DNAH2: variants seen among roughly 807,000 people sequenced by gnomAD.
The protein encoded by DNAH2 is dynein axonemal heavy chain 2, also known as axonemal beta dynein heavy chain 2.
DNAH2 carries 323 observed loss-of-function variants against 523.5 expected under a neutral mutation model. The ratio of observed to expected loss-of-function variants is 0.62; its 90% CI spans 0.56 to 0.68. The LOEUF (loss-of-function observed/expected upper bound fraction) is 0.68. Ranked by LOEUF, DNAH2 falls within the 30% of genes least tolerant of loss-of-function variation. The pLI, the probability that DNAH2 is intolerant of heterozygous loss-of-function variation, is 0.00. For missense variants in DNAH2, 4,907 were observed against 5,701.5 expected (o/e 0.86, Z 4.49); for synonymous variants, 2,093 against 2,177.4 (o/e 0.96, Z 1.08).
Position 7,780,911 on chromosome 17 carries a change from G to C in DNAH2, c.6003+129G>C. 4.4e-6 allele frequency: 7 copies of C among 1,579,526 alleles called. No homozygotes were observed. Among genetic ancestry groups the C allele is most frequent in the Non-Finnish European group, 6.0e-6 (7 of 1,159,278 alleles). On this transcript the variant is annotated intron_variant, in intron 38 of 85. Transcript: ENST00000572933. The surrounding 1 kb of genome is among the most constrained non-coding windows in gnomAD (Gnocchi z 4.4). ...CACCTTCCCACCTCGTCCCATCCCC[G>C]TGTTGCCCGCTGCTTTGCTAATGGC... is the stretch of plus-strand genomic sequence containing the variant.
intron 32 of DNAH2, 75 bp downstream of exon 32, chr17:7,776,964 G>A (rs1030536776): frequency 4.6e-5 from 58 of 1,270,282 alleles, no homozygotes; most frequent in Admixed American, 2.4e-4. Context: ...GAGCCCACTC[G>A]CTTGAGCCCA....
intron 39 of DNAH2, among the ~76,000 whole-genome samples, chr17:7,785,409 A>G (rs2076708820): frequency 6.6e-6 from 1 of 152,154 alleles, no homozygotes; most frequent in South Asian, 2.1e-4. Flanking sequence ...GGCTGAGAAT[A>G]TTTTTTAACT....
At chr17:7,741,236 CTCTTTCTTTCTTTCTT>C (rs71387996) in intron 11 of DNAH2, among the ~76,000 whole-genome samples, 36 of 85,660 alleles carry the variant, frequency 4.2e-4, no homozygotes, top group East Asian at 2.6e-3. Context: ...TTTTCTCTCT[CTCTTTCTTTCTTTCTT>C]TCTTTCTTTC....
rs774059490 is a variant in DNAH2 at position 7,793,447 on chromosome 17, T to TTC, written c.7569+243_7569+244insCT. Reference sequence around the variant, plus strand: ...GCCTGCTTGCTTTTTCTTTCTTTCTTTTTCTTTCTTTCTTTCTTTCTTTCT... The same window carrying TTC: ...GCCTGCTTGCTTTTTCTTTCTTTCTTTCTTTCTTTCTTTCTTTCTTTCTTTCT... On this transcript the variant is annotated intron_variant, in intron 48 of 85. Transcript: ENST00000572933. Among the ~76,000 whole-genome samples, 210 of 96,462 alleles carry TTC rather than the reference T, an allele frequency of 2.2e-3. 2 individuals carry two copies. The highest frequency in any genetic ancestry group is 4.1e-3 in the African/African-American group (114 of 28,148). The allele number at this position is 96,462 out of a possible 152,430, so 63.3% of individuals were successfully genotyped here.
intron 12 of DNAH2, 146 bp downstream of exon 12, chr17:7,743,288 T>A: frequency 1.1e-6 from 1 of 945,820 alleles, no homozygotes; most frequent in East Asian, 2.6e-5. Context: ...CTTTTTTTTT[T>A]CTTCTTTTAT....
intron 56 of DNAH2, among the ~76,000 whole-genome samples, chr17:7,800,311 A>G (rs1486107005): frequency 2.0e-5 from 3 of 152,048 alleles, no homozygotes; most frequent in African/African-American, 7.2e-5. Flanking sequence ...TTGGCATCCC[A>G]AAGTGCTGGG....
At chr17:7,771,278 G>T in intron 27 of DNAH2, 52 bp from the exon 28 acceptor site, 3 of 1,610,766 alleles carry the variant, frequency 1.9e-6, no homozygotes, top group South Asian at 1.1e-5. Context: ...GGGAGCAGAG[G>T]GTGGAGAGTG....
At chr17:7,823,735 C>T (rs2077934104) in intron 74 of DNAH2, 99 bp from the exon 75 acceptor site, 9 of 1,578,780 alleles carry the variant, frequency 5.7e-6, no homozygotes, top group South Asian at 1.2e-5. Context: ...GTGCCTGCCT[C>T]CTGGCCCGGA....
chr17:7,750,379 A>G (rs1282179124), intron 12 of DNAH2, among the ~76,000 whole-genome samples: 1 of 152,218 alleles, frequency 6.6e-6, no homozygotes, highest in South Asian at 2.1e-4. Flanking sequence ...GTTACAAAGC[A>G]GTTACCCCGG....
At chr17:7,726,985 A>G (rs898682323) in intron 3 of DNAH2, 137 bp from the exon 4 acceptor site, 21 of 870,618 alleles carry the variant, frequency 2.4e-5, no homozygotes, top group East Asian at 3.0e-5. Flanking sequence ...CTGGAAAGCT[A>G]TCTTTCAGTT....
At position 7,799,258 on chromosome 17, in the gene DNAH2, T is replaced by A. The variant is rs770528893; in HGVS notation, c.8699+16T>A. The A allele has an allele frequency of 7.4e-6, 12 of 1,612,708 alleles. No individual in the cohort carries two copies. In the South Asian group the frequency reaches 1.3e-4, roughly 18 times the overall value. On this transcript the variant is annotated intron_variant, in intron 56 of 85. Transcript: ENST00000572933. Reference sequence around the variant, plus strand: ...ATCCCTTCAGGTGACTTCTGTGACATCCTTCTCTCAGCCCCTTCTGTGTGC... The same window carrying A: ...ATCCCTTCAGGTGACTTCTGTGACAACCTTCTCTCAGCCCCTTCTGTGTGC...
At chr17:7,791,826 C>A in intron 44 of DNAH2, 91 bp from the exon 45 acceptor site, 1 of 1,300,288 alleles carries the variant, frequency 7.7e-7, no homozygotes. Flanking sequence ...GAGGAAGACC[C>A]AGGCTTTCCA....
At chr17:7,811,972 G>A (rs1297675053) in intron 63 of DNAH2, among the ~76,000 whole-genome samples, 2 of 152,108 alleles carry the variant, frequency 1.3e-5, no homozygotes, top group Admixed American at 6.6e-5. Context: ...AGAACTCAAG[G>A]GTCTTAATAA....
In DNAH2 at chr17:7,770,741, C is replaced by G; in HGVS notation, c.4182-12C>G. 1.9e-6 allele frequency: 3 copies of G among 1,614,072 alleles called. No individual in the cohort carries two copies. Among genetic ancestry groups the G allele is most frequent in the Non-Finnish European group, 2.5e-6 (3 of 1,179,966 alleles). ...TGGGGATGAACTATGATTTTGACCC[C>G]TTGTGTCTCAGAGGTACAGAAGAAG... On this transcript the variant is annotated splice_polypyrimidine_tract_variant and intron_variant, in intron 26 of 85. Transcript: ENST00000572933.
At chr17:7,778,868 C>T (rs2076529990) in intron 35 of DNAH2, among the ~76,000 whole-genome samples, 1 of 152,210 alleles carries the variant, frequency 6.6e-6, no homozygotes, top group Non-Finnish European at 1.5e-5. Context: ...TGCGCCCAGC[C>T]ACGTATAATT....
At chr17:7,734,159 T>C in intron 5 of DNAH2, 24 bp from the exon 6 acceptor site, 1 of 1,562,830 alleles carries the variant, frequency 6.4e-7, no homozygotes, top group Non-Finnish European at 8.7e-7. Flanking sequence ...CTCTGTCCAC[T>C]TCCACAAACT....
chr17:7,741,290 CT>C lies in DNAH2; in HGVS notation c.1689+301del, dbSNP rs1438305225. On this transcript the variant is annotated intron_variant, in intron 11 of 85. Transcript: ENST00000572933. ...TCTTTCTTTCTTTCTTTCTTTCTTT[CT>C]TTCTTCCTTCCTTCCCTCCCTCCCT... 2.8e-4 allele frequency among the ~76,000 whole-genome samples: 15 copies of C among 53,572 alleles called. 1 individual carries two copies. The highest frequency in any genetic ancestry group is 4.4e-4 in the Admixed American group (2 of 4,496). 35.1% of individuals were successfully genotyped at this position (53,572 alleles called of 152,430 possible).
Position 7,780,029 on chromosome 17 carries a change from T to G in DNAH2, c.5723-128T>G. ...GCTGAGATGAGAAAGGATGTGGTCT[T>G]GGAGTTGGAGAGAAAGTTAGGGATG... On this transcript the variant is annotated intron_variant, in intron 36 of 85. Coordinates refer to ENST00000572933, the MANE Select transcript of DNAH2 (RefSeq NM_020877.5). This position sits in a 1 kb window ranked among gnomAD's most constrained non-coding sequence, Gnocchi z 4.4. The G allele has an allele frequency of 2.4e-6, 3 of 1,257,318 alleles. No individual in the cohort carries two copies. Among genetic ancestry groups the G allele is most frequent in the Non-Finnish European group, 3.3e-6 (3 of 902,318 alleles). 77.9% of individuals were successfully genotyped at this position (1,257,318 alleles called of 1,614,324 possible).
Position 7,807,010 on chromosome 17 carries a change from T to C in DNAH2, c.9443-140T>C. 2.0e-6 allele frequency: 2 copies of C among 978,220 alleles called. No individual in the cohort carries two copies. The highest frequency in any genetic ancestry group is 3.0e-6 in the Non-Finnish European group (2 of 658,052). The allele number at this position is 978,220 out of a possible 1,614,324, so 60.6% of individuals were successfully genotyped here. A position where few individuals can be genotyped will look rare whatever the true frequency, so the allele number is the denominator to read the frequency against. On this transcript the variant is annotated intron_variant, in intron 61 of 85. Transcript: ENST00000572933. The surrounding 1 kb of genome is among the most constrained non-coding windows in gnomAD (Gnocchi z 5.6). Reference sequence around the variant, plus strand: ...ACAGAGTCAAGTCAGAGGGAGGAACTAGGGGCCAGGTCAGATAATTTGGCC... The same window carrying C: ...ACAGAGTCAAGTCAGAGGGAGGAACCAGGGGCCAGGTCAGATAATTTGGCC...
Sources: gnomAD v4.1 joint callset for allele counts (sites outside exome capture counted in the v4.1 genomes callset) on GRCh38, gnomAD v4.1.1 for gene constraint, Gnocchi (gnomAD v3.1) non-coding constraint, MANE v1.5 for transcripts, NCBI Gene and HGNC (gene_info 2026-07-23, HGNC 2026-07-21) for gene names.